Variants in PID1 observed in about 807,000 individuals in gnomAD.
The protein encoded by PID1 is PTB-containing, cubilin and LRP1-interacting protein.
In PID1, 10 loss-of-function variants were observed where a neutral mutation model predicts 19.1. The ratio of observed to expected loss-of-function variants is 0.52; its 90% CI spans 0.32 to 0.89. PID1 has a LOEUF of 0.89. Among genes scored for constraint, PID1 ranks in the 40% least tolerant of loss-of-function variants. The pLI is 0.03. For missense variants in PID1, 248 were observed against 285.3 expected (o/e 0.87, Z 0.94); for synonymous variants, 130 against 116.0 (o/e 1.12, Z -0.78).
intron 2 of PID1, among the ~76,000 whole-genome samples, chr2:229,150,746 T>C (rs1574670281): frequency 6.6e-6 from 1 of 152,166 alleles, no homozygotes; most frequent in African/African-American, 2.4e-5. Context: ...GAACGGGTAT[T>C]GTACAGCATC....
chr2:229,041,210 T>C (rs12621400), intron 2 of PID1, among the ~76,000 whole-genome samples: 25,407 of 152,120 alleles, frequency 0.17, 2,241 homozygotes, highest in Non-Finnish European at 0.18. Context: ...GTTTCAGGGC[T>C]GTCACACAAA....
intron 2 of PID1, among the ~76,000 whole-genome samples, chr2:229,110,758 G>A (rs975693736): frequency 2.0e-5 from 3 of 152,164 alleles, no homozygotes; most frequent in African/African-American, 7.2e-5. Context: ...TGGCTGGGAT[G>A]TTGGTGGTAC....
At chr2:229,114,879 T>C (rs946944570) in intron 2 of PID1, among the ~76,000 whole-genome samples, 4 of 152,244 alleles carry the variant, frequency 2.6e-5, no homozygotes, top group African/African-American at 7.2e-5. Flanking sequence ...ATTGGATCTA[T>C]AAAAGCCAAC....
intron 2 of PID1, among the ~76,000 whole-genome samples, chr2:229,147,904 C>A (rs964636401): frequency 5.9e-5 from 9 of 152,086 alleles, no homozygotes; most frequent in Non-Finnish European, 4.4e-5. Flanking sequence ...GTGTATGGGG[C>A]ACATGGAAAT....
chr2:229,110,177 ATCCTTGT>A (rs762951579), intron 2 of PID1, among the ~76,000 whole-genome samples: 1 of 152,158 alleles, frequency 6.6e-6, no homozygotes, highest in Admixed American at 6.6e-5. Flanking sequence ...ACGTGATTTA[ATCCTTGT>A]TCCTTGTTCC....
chr2:229,216,802 G>A (rs993575543), intron 1 of PID1, among the ~76,000 whole-genome samples: 1 of 152,010 alleles, frequency 6.6e-6, no homozygotes, highest in Non-Finnish European at 1.5e-5. Flanking sequence ...TGCAAATGAT[G>A]TTATTACTGT....
intron 2 of PID1, among the ~76,000 whole-genome samples, chr2:229,084,659 T>C (rs1253470893): frequency 6.6e-6 from 1 of 152,164 alleles, no homozygotes; most frequent in Non-Finnish European, 1.5e-5. Context: ...TTTCAACCAC[T>C]ACAGTATTTG....
intron 2 of PID1, among the ~76,000 whole-genome samples, chr2:229,076,734 T>C (rs115460792): frequency 0.033 from 5,046 of 152,282 alleles, 288 homozygotes; most frequent in African/African-American, 0.12. Context: ...CACTCTCTTT[T>C]ATGGCTGCAT....
intron 2 of PID1, among the ~76,000 whole-genome samples, chr2:229,139,107 GAA>G (rs1290985881): frequency 0.027 from 1,970 of 73,934 alleles, 159 homozygotes; most frequent in African/African-American, 0.038. Context: ...AAGAAAGAAA[GAA>G]AGAAAGAGAA....
intron 2 of PID1, among the ~76,000 whole-genome samples, chr2:229,074,285 C>A (rs1019045086): frequency 6.6e-6 from 1 of 151,652 alleles, no homozygotes; most frequent in Non-Finnish European, 1.5e-5. Flanking sequence ...CCCCAAAAAT[C>A]CAGAGCAAAA....
chr2:229,047,259 T>C (rs538787917), intron 2 of PID1, among the ~76,000 whole-genome samples: 14 of 152,310 alleles, frequency 9.2e-5, no homozygotes, highest in Admixed American at 6.5e-4. Flanking sequence ...AAAGGGCTCC[T>C]GCCCAGGTTC....
In PID1 at chr2:229,025,372, G is replaced by A. The variant is rs1244375298; in HGVS notation, c.*260C>T. 8.4e-6 allele frequency: 3 copies of A among 357,652 alleles called. No homozygotes were observed. The highest frequency in any genetic ancestry group is 9.5e-6 in the Non-Finnish European group (2 of 211,032). The allele number at this position is 357,652 out of a possible 1,614,324, so 22.2% of individuals were successfully genotyped here. A position where few individuals can be genotyped will look rare whatever the true frequency, so the allele number is the denominator to read the frequency against. On this transcript the variant is annotated 3_prime_UTR_variant, in exon 3 of 3. Coordinates refer to ENST00000392055, the MANE Select transcript of PID1 (RefSeq NM_001100818.2). ...CCCACAGAGAGGCATTGGGAAATGA[G>A]AAAAATAAGAGAGCCTAGAACCTTC...
intron 2 of PID1, among the ~76,000 whole-genome samples, chr2:229,057,392 G>A (rs1694124995): frequency 6.6e-6 from 1 of 151,264 alleles, no homozygotes; most frequent in Non-Finnish European, 1.5e-5. Flanking sequence ...GGAGGCGGAG[G>A]TTGCAGTGGG....
At position 229,139,037 on chromosome 2, in the gene PID1, A is replaced by G. The variant is rs11901516; in HGVS notation, c.177+16781T>C. On this transcript the variant is annotated intron_variant, in intron 2 of 2. Transcript: ENST00000392055. ...AAAGAAAGAAAGAAAGAAAGAAAGA[A>G]AGAGAAAGAAAGAAAGAAAGAGAAA... Among the ~76,000 whole-genome samples the G allele has an allele frequency of 2.3e-3, 127 of 55,344 alleles. 1 individual carries two copies. The highest frequency in any genetic ancestry group is 9.6e-3 in the Middle Eastern group (1 of 104). The allele number at this position is 55,344 out of a possible 152,430, so 36.3% of individuals were successfully genotyped here.
chr2:229,072,730 C>T (rs1369464616), intron 2 of PID1, among the ~76,000 whole-genome samples: 2 of 152,084 alleles, frequency 1.3e-5, no homozygotes, highest in Non-Finnish European at 2.9e-5. Flanking sequence ...AGTTGTGCTT[C>T]GCTGTTTTCA....
Position 229,077,766 on chromosome 2 carries a change from CA to C in PID1, c.178-51659del, listed in dbSNP as rs765952940. ...TATATACCCGTTTTGGTACCAGTAC[CA>C]TGCCATTTTGGTTACTGCAGCCTTG... On this transcript the variant is annotated intron_variant, in intron 2 of 2. Transcript: ENST00000392055. Among the ~76,000 whole-genome samples, 10 of 152,254 alleles carry C rather than the reference CA, an allele frequency of 6.6e-5. No homozygotes were observed. In the East Asian group the frequency reaches 1.7e-3, roughly 26 times the overall value.
At chr2:229,073,332 G>T (rs1431504901) in intron 2 of PID1, among the ~76,000 whole-genome samples, 1 of 152,122 alleles carries the variant, frequency 6.6e-6, no homozygotes, top group Non-Finnish European at 1.5e-5. Context: ...GCCAATTGCT[G>T]CCATTTTTAA....
intron 2 of PID1, among the ~76,000 whole-genome samples, chr2:229,055,162 A>T (rs4572587): frequency 0.51 from 77,967 of 151,942 alleles, 20,917 homozygotes; most frequent in African/African-American, 0.67. Flanking sequence ...TACAGATCCT[A>T]CAATAACAGG....
chr2:229,140,487 G>GCA (rs76485938), intron 2 of PID1, among the ~76,000 whole-genome samples: 42 of 151,206 alleles, frequency 2.8e-4, no homozygotes, highest in East Asian at 9.8e-4. Context: ...TTAAAAGAGT[G>GCA]CACACACACA....
Sources: allele counts gnomAD v4.1 joint callset (sites outside exome capture counted in the v4.1 genomes callset), GRCh38; gene constraint gnomAD v4.1.1; transcripts MANE v1.5; gene names NCBI Gene and HGNC (gene_info 2026-07-23, HGNC 2026-07-21).